Variants in SLC30A8 observed in about 807,000 individuals in gnomAD.
SLC30A8 encodes solute carrier family 30 member 8, also known as proton-coupled zinc antiporter SLC30A8.
In SLC30A8, 27 loss-of-function variants were observed where a neutral mutation model predicts 36.9. That is an observed-to-expected ratio of 0.73 (90% CI 0.54 to 1.01). The LOEUF is 1.01. SLC30A8 is among the 50% of genes least tolerant of loss of function. The pLI is 0.00. For synonymous variants in SLC30A8, 164 were observed against 172.4 expected (o/e 0.95, Z 0.38); for missense variants, 439 against 452.0 (o/e 0.97, Z 0.26).
intron 1 of SLC30A8, among the ~76,000 whole-genome samples, chr8:117,143,142 A>T (rs998207273): frequency 4.6e-5 from 7 of 152,184 alleles, no homozygotes; most frequent in African/African-American, 1.4e-4. Flanking sequence ...GATAGAAGCA[A>T]AGTTCTACCA....
chr8:117,050,379 C>T (rs1007198222), intron 2 of SLC30A8, among the ~76,000 whole-genome samples: 2 of 150,808 alleles, frequency 1.3e-5, no homozygotes, highest in South Asian at 2.1e-4. Context: ...AAACTGATTT[C>T]GGGGTTCTTC....
At chr8:117,024,603 T>A (rs1816814933) in intron 1 of SLC30A8, among the ~76,000 whole-genome samples, 2 of 152,240 alleles carry the variant, frequency 1.3e-5, no homozygotes, top group Non-Finnish European at 2.9e-5. Context: ...TATGGTTCAA[T>A]TTTATGAACC....
At chr8:117,111,176 CT>C (rs1174948337) in intron 2 of SLC30A8, among the ~76,000 whole-genome samples, 1 of 152,060 alleles carries the variant, frequency 6.6e-6, no homozygotes, top group Admixed American at 6.6e-5. Flanking sequence ...AGGACAAATC[CT>C]GGCACAAGCT....
At chr8:117,000,886 A>G (rs1449444455) in intron 1 of SLC30A8, among the ~76,000 whole-genome samples, 2 of 152,224 alleles carry the variant, frequency 1.3e-5, no homozygotes, top group Non-Finnish European at 1.5e-5. Flanking sequence ...TGTGAGGATT[A>G]TATATAATAA....
rs1157989062 is a variant in SLC30A8, at chr8:117,172,729, A to C, written c.*48A>C. 1 of 1,601,506 alleles carries C rather than the reference A, an allele frequency of 6.2e-7. No homozygotes were observed. The highest frequency in any genetic ancestry group is 8.5e-7 in the Non-Finnish European group (1 of 1,169,674). On this transcript the variant is annotated 3_prime_UTR_variant, in exon 8 of 8. Coordinates refer to ENST00000456015, the MANE Select transcript of SLC30A8 (RefSeq NM_173851.3). ...CAAATTTGACAGGCCACCTTCAAAC[A>C]TGCTGCTATGCAGTTTCTGCATCAT... is the stretch of plus-strand genomic sequence containing the variant.
chr8:117,003,058 TAA>T (rs1442258841), intron 1 of SLC30A8, among the ~76,000 whole-genome samples: 1 of 152,144 alleles, frequency 6.6e-6, no homozygotes, highest in East Asian at 1.9e-4. Flanking sequence ...CATTAAGAAA[TAA>T]AGAGAAATGA....
chr8:117,044,729 A>G (rs926680635), intron 2 of SLC30A8, among the ~76,000 whole-genome samples: 6 of 152,316 alleles, frequency 3.9e-5, no homozygotes, highest in South Asian at 2.1e-4. Flanking sequence ...CTTAAAATCA[A>G]TTAGAGGGAA....
At chr8:117,071,452 C>T (rs1818328150) in intron 2 of SLC30A8, among the ~76,000 whole-genome samples, 1 of 151,822 alleles carries the variant, frequency 6.6e-6, no homozygotes, top group Admixed American at 6.6e-5. Flanking sequence ...GGATATTGAC[C>T]CCTTATCAGA....
intron 1 of SLC30A8, chr8:117,018,390 ATTC>A (rs1313114030): frequency 6.6e-5 from 10 of 152,160 alleles, no homozygotes; most frequent in African/African-American, 9.7e-5. Flanking sequence ...GCTATTTTAT[ATTC>A]TTCTTTTTTT....
At chr8:117,059,246 T>C (rs1040923787) in intron 2 of SLC30A8, among the ~76,000 whole-genome samples, 3 of 152,208 alleles carry the variant, frequency 2.0e-5, no homozygotes, top group Non-Finnish European at 4.4e-5. Context: ...CAGGGAAAGT[T>C]GTTTCTTTCT....
At chr8:117,046,037 G>A (rs1416136994) in intron 2 of SLC30A8, among the ~76,000 whole-genome samples, 1 of 151,704 alleles carries the variant, frequency 6.6e-6, no homozygotes, top group Admixed American at 6.6e-5. Context: ...GACAGATGAT[G>A]GTATATGAGA....
chr8:116,991,034 G>A (rs1326508784), intron 1 of SLC30A8, among the ~76,000 whole-genome samples: 1 of 152,136 alleles, frequency 6.6e-6, no homozygotes, highest in Non-Finnish European at 1.5e-5. Flanking sequence ...TTTATCTGGG[G>A]AGGGTCTTGT....
intron 1 of SLC30A8, among the ~76,000 whole-genome samples, chr8:116,963,179 C>T (rs1402207263): frequency 6.6e-6 from 1 of 152,066 alleles, no homozygotes; most frequent in Non-Finnish European, 1.5e-5. Flanking sequence ...CTCTAGAACC[C>T]AAGGCCCGTG....
intron 1 of SLC30A8, among the ~76,000 whole-genome samples, chr8:117,146,120 T>G (rs1217994773): frequency 3.3e-5 from 5 of 152,248 alleles, no homozygotes; most frequent in African/African-American, 1.2e-4. Context: ...AAAGAATAAT[T>G]GAAATGTTCC....
intron 1 of SLC30A8, among the ~76,000 whole-genome samples, chr8:117,001,410 A>G (rs1274209441): frequency 6.6e-6 from 1 of 152,180 alleles, no homozygotes; most frequent in Non-Finnish European, 1.5e-5. Context: ...TAGCACCTGC[A>G]GCCTGACTAT....
In SLC30A8 at chr8:116,958,361, A is replaced by T. The variant is rs191663705; in HGVS notation, c.-266+7242A>T. ...TTAACATTTTTTTTTTTTGTAGTGC[A>T]GGTAAGCTGATAATGAACTCTTTTA... On this transcript the variant is annotated intron_variant, in intron 1 of 10. Coordinates refer to the SLC30A8 transcript ENST00000427715. Among the ~76,000 whole-genome samples the T allele has an allele frequency of 4.0e-5, 6 of 151,162 alleles. No individual in the cohort carries two copies. The South Asian group carries it at 8.3e-4, about 21-fold the overall frequency.
At chr8:117,044,066 C>T (rs1009810426) in intron 2 of SLC30A8, among the ~76,000 whole-genome samples, 7 of 152,110 alleles carry the variant, frequency 4.6e-5, no homozygotes, top group Non-Finnish European at 1.0e-4. Context: ...GTGATGTGAG[C>T]TTTGTGAGGG....
chr8:117,062,737 G>A (rs148722254), intron 2 of SLC30A8, among the ~76,000 whole-genome samples: 110 of 152,314 alleles, frequency 7.2e-4, no homozygotes, highest in African/African-American at 2.5e-3. Flanking sequence ...CAGCATGCCT[G>A]TGACCTTCAG....
intron 2 of SLC30A8, among the ~76,000 whole-genome samples, chr8:117,127,129 A>G (rs1239359603): frequency 3.3e-5 from 5 of 152,050 alleles, no homozygotes; most frequent in Non-Finnish European, 7.4e-5. Context: ...GAGATTATCC[A>G]CAGGTATATA....
Sources: allele counts gnomAD v4.1 joint callset (sites outside exome capture counted in the v4.1 genomes callset), GRCh38; gene constraint gnomAD v4.1.1; transcripts MANE v1.5; gene names NCBI Gene and HGNC (gene_info 2026-07-23, HGNC 2026-07-21).